C12orf42: variants seen among roughly 807,000 people sequenced by gnomAD.
C12orf42 encodes uncharacterized protein C12orf42.
A neutral mutation model predicts 21.6 loss-of-function variants in C12orf42; 25 were observed. The ratio of observed to expected loss-of-function variants is 1.16; its 90% CI spans 0.84 to 1.62. C12orf42 has a LOEUF of 1.62. Ranked by LOEUF, C12orf42 falls within the 40% of genes most tolerant of loss-of-function variation. C12orf42 has a pLI of 0.00. For missense variants in C12orf42, 483 were observed against 459.3 expected, an observed-to-expected ratio of 1.05 and a Z score of -0.47; for synonymous variants, 174 against 175.0, an observed-to-expected ratio of 0.99 and a Z score of 0.05.
chr12:103,145,063 C>A, the C12orf42 span, among the ~76,000 whole-genome samples: 152 of 152,214 alleles, frequency 1.0e-3, no homozygotes, highest in African/African-American at 3.3e-3. Flanking sequence ...CATGACTACA[C>A]ACAATGAGGG....
chr12:103,407,416 C>T (rs1213031119), intron 2 of C12orf42, among the ~76,000 whole-genome samples: 1 of 152,082 alleles, frequency 6.6e-6, no homozygotes, highest in Non-Finnish European at 1.5e-5. Flanking sequence ...AGAAGGCGAA[C>T]CCCTCCTCTT....
In C12orf42 at chr12:103,274,020, C is replaced by CCT. The variant is rs201039292; in HGVS notation, n.398+3128_398+3129dup. ...ATTGCCCTGTCCTGCTTTTTTAGTT[C>CCT]CTCTCTGCCTTTCAGACACTCAGTA... On this transcript the variant is annotated intron_variant and non_coding_transcript_variant, in intron 5 of 6. Transcript: ENST00000546526. 8.3e-4 allele frequency: 364 copies of CCT among 440,502 alleles called. 4 individuals carry two copies. The East Asian group carries it at 0.019, about 24-fold the overall frequency. 27.3% of individuals were successfully genotyped at this position (440,502 alleles called of 1,614,324 possible).
At chr12:103,503,962 CT>C in the C12orf42 span, 1 of 152,978 alleles carries the variant, frequency 6.5e-6, no homozygotes, top group Non-Finnish European at 1.5e-5. Flanking sequence ...GTCATGCGCC[CT>C]ATCTACACCT....
At chr12:103,335,353 A>G (rs1280002965) in intron 4 of C12orf42, among the ~76,000 whole-genome samples, 1 of 152,250 alleles carries the variant, frequency 6.6e-6, no homozygotes, top group Non-Finnish European at 1.5e-5. Context: ...GGATGCTTTT[A>G]GCATAAAGAT....
At chr12:103,455,191 G>T (rs1289248158) in intron 2 of C12orf42, among the ~76,000 whole-genome samples, 5 of 152,240 alleles carry the variant, frequency 3.3e-5, no homozygotes, top group African/African-American at 1.2e-4. Flanking sequence ...TATATAGAGA[G>T]TCAATGTAAA....
chr12:103,462,782 G>C (rs543646410), intron 2 of C12orf42, among the ~76,000 whole-genome samples: 2 of 152,242 alleles, frequency 1.3e-5, no homozygotes, highest in East Asian at 3.9e-4. Flanking sequence ...AGAACAAATG[G>C]TAGGGTCATT....
intron 2 of C12orf42, among the ~76,000 whole-genome samples, chr12:103,405,554 C>T (rs1015624995): frequency 6.6e-6 from 1 of 152,162 alleles, no homozygotes; most frequent in Admixed American, 6.5e-5. Context: ...CTCTTTCCAT[C>T]TGACAAATAC....
intron 2 of C12orf42, among the ~76,000 whole-genome samples, chr12:103,460,699 G>A (rs1952642622): frequency 6.6e-6 from 1 of 152,154 alleles, no homozygotes; most frequent in Non-Finnish European, 1.5e-5. Flanking sequence ...ATGAAAAAAT[G>A]TGTTTTGAGT....
At chr12:103,493,436 C>A (rs1447996836) in intron 1 of C12orf42, among the ~76,000 whole-genome samples, 1 of 152,032 alleles carries the variant, frequency 6.6e-6, no homozygotes, top group Non-Finnish European at 1.5e-5. Context: ...GCCATACCAG[C>A]CTTGCTTCAG....
At chr12:103,072,031 A>G in the C12orf42 span, among the ~76,000 whole-genome samples, 3 of 152,188 alleles carry the variant, frequency 2.0e-5, no homozygotes, top group Non-Finnish European at 4.4e-5. Flanking sequence ...GCTAACATCT[A>G]GAGCTCCCAA....
the C12orf42 span, among the ~76,000 whole-genome samples, chr12:103,130,002 T>C: frequency 6.6e-6 from 1 of 152,234 alleles, no homozygotes; most frequent in East Asian, 1.9e-4. Context: ...ATCCTGAATA[T>C]TTTTCCCATC....
At chr12:103,493,907 T>C (rs1955344789) in intron 1 of C12orf42, among the ~76,000 whole-genome samples, 1 of 152,206 alleles carries the variant, frequency 6.6e-6, no homozygotes, top group African/African-American at 2.4e-5. Flanking sequence ...TAGATAATGA[T>C]TTCTAACTTC....
chr12:103,203,697 C>T, the C12orf42 span, among the ~76,000 whole-genome samples: 1 of 152,090 alleles, frequency 6.6e-6, no homozygotes, highest in Non-Finnish European at 1.5e-5. Context: ...TGACAATTCC[C>T]CTTTTGTGGC....
the C12orf42 span, among the ~76,000 whole-genome samples, chr12:103,100,592 C>A: frequency 6.6e-6 from 1 of 152,166 alleles, no homozygotes; most frequent in South Asian, 2.1e-4. Context: ...ATGCCTTCCC[C>A]TGTTGCTATT....
At chr12:103,064,934 G>A in the C12orf42 span, among the ~76,000 whole-genome samples, 1 of 152,188 alleles carries the variant, frequency 6.6e-6, no homozygotes, top group Non-Finnish European at 1.5e-5. Flanking sequence ...GACTCATCTT[G>A]TGGTCATTTC....
At chr12:103,076,384 C>A in the C12orf42 span, among the ~76,000 whole-genome samples, 4 of 150,894 alleles carry the variant, frequency 2.7e-5, no homozygotes, top group Admixed American at 2.6e-4. Flanking sequence ...ATGATGAGGG[C>A]AAGAGGCAGA....
chr12:103,223,110 C>T, the C12orf42 span, among the ~76,000 whole-genome samples: 41 of 152,176 alleles, frequency 2.7e-4, no homozygotes, highest in African/African-American at 9.6e-4. Flanking sequence ...CTCCTCACTT[C>T]AAGCAGATAG....
At chr12:103,329,085 G>A (rs1289164144) in intron 4 of C12orf42, among the ~76,000 whole-genome samples, 1 of 151,098 alleles carries the variant, frequency 6.6e-6, no homozygotes, top group Non-Finnish European at 1.5e-5. Flanking sequence ...GCTATGGCAG[G>A]GACGCAGGCA....
At chr12:103,444,282 G>C (rs1020044737) in intron 2 of C12orf42, among the ~76,000 whole-genome samples, 2 of 151,858 alleles carry the variant, frequency 1.3e-5, no homozygotes, top group African/African-American at 4.8e-5. Flanking sequence ...GCCCCACGTG[G>C]GATTCATGGG....
Sources: allele counts gnomAD v4.1 joint callset (sites outside exome capture counted in the v4.1 genomes callset), GRCh38; gene constraint gnomAD v4.1.1; transcripts MANE v1.5; gene names NCBI Gene and HGNC (gene_info 2026-07-23, HGNC 2026-07-21).